Variants in MAP7 observed in about 807,000 individuals in gnomAD.
The protein encoded by MAP7 is ensconsin.
Under a neutral mutation model 94.8 loss-of-function variants are expected in MAP7, and 52 were observed. The observed-to-expected ratio is 0.55, with a 90% CI of 0.44 to 0.69. MAP7 has a LOEUF of 0.69. Ranked by LOEUF, MAP7 falls within the 30% of genes least tolerant of loss-of-function variation. The probability of loss-of-function intolerance (pLI) is 0.00; values close to 1 mark genes in which losing one functional copy is unlikely to be tolerated. For missense variants in MAP7, 940 were observed against 964.6 expected (o/e 0.97, Z 0.34); for synonymous variants, 350 against 357.0 (o/e 0.98, Z 0.22).
At chr6:136,450,070 T>C (rs866367423) in intron 1 of MAP7, among the ~76,000 whole-genome samples, 12 of 152,126 alleles carry the variant, frequency 7.9e-5, no homozygotes, top group Non-Finnish European at 1.3e-4. Context: ...ATGCCTGTAA[T>C]CCCAGCTACT....
At chr6:136,478,877 T>C (rs1811787605) in intron 1 of MAP7, among the ~76,000 whole-genome samples, 1 of 147,544 alleles carries the variant, frequency 6.8e-6, no homozygotes, top group Non-Finnish European at 1.5e-5. Flanking sequence ...AAAGAAGAAC[T>C]AATGCTAATC....
At chr6:136,514,603 A>G (rs973721221) in intron 1 of MAP7, among the ~76,000 whole-genome samples, 39 of 151,080 alleles carry the variant, frequency 2.6e-4, no homozygotes, top group Admixed American at 2.4e-3. Context: ...AAAAAAAAAA[A>G]AAAAGAAAAC....
At chr6:136,501,702 CACAGCATGACA>C (rs1819874273) in intron 1 of MAP7, among the ~76,000 whole-genome samples, 1 of 151,994 alleles carries the variant, frequency 6.6e-6, no homozygotes, top group African/African-American at 2.4e-5. Flanking sequence ...ATGATCAGAC[CACAGCATGACA>C]ACTTTCATCG....
chr6:136,372,869 T>C (rs1391794253), intron 7 of MAP7, among the ~76,000 whole-genome samples: 1 of 152,236 alleles, frequency 6.6e-6, no homozygotes, highest in Non-Finnish European at 1.5e-5. Context: ...GTAAAAAATC[T>C]GGAATATATT....
intron 1 of MAP7, among the ~76,000 whole-genome samples, chr6:136,435,832 A>G (rs1282005443): frequency 6.6e-6 from 1 of 152,248 alleles, no homozygotes; most frequent in East Asian, 1.9e-4. Context: ...ATTTGAAGGT[A>G]CATCATTATA....
chr6:136,376,255 C>T (rs1406573630), intron 7 of MAP7, among the ~76,000 whole-genome samples: 3 of 152,104 alleles, frequency 2.0e-5, no homozygotes, highest in Non-Finnish European at 4.4e-5. Context: ...CCCGCCACCA[C>T]GCCCGGCTAA....
chr6:136,366,280 A>C (rs1413402574), intron 9 of MAP7, 47 bp downstream of exon 9: 6 of 1,434,348 alleles, frequency 4.2e-6, no homozygotes, highest in Non-Finnish European at 5.9e-6. Flanking sequence ...AGAGCTACTA[A>C]TTCTCTAACA....
intron 6 of MAP7, among the ~76,000 whole-genome samples, chr6:136,381,112 A>G (rs1777608374): frequency 6.6e-6 from 1 of 152,260 alleles, no homozygotes; most frequent in African/African-American, 2.4e-5. Flanking sequence ...GAGATAATAA[A>G]GTATAACTAA....
Position 136,383,673 on chromosome 6 carries a change from C to T in MAP7, c.635G>A (p.Arg212Lys). ...TTTTGTTTTCCTTTGGACTGTACCTCTATCTGGAGAATTTAGTAAAGTTGC... is the reference window on the plus strand; with the variant it reads ...TTTTGTTTTCCTTTGGACTGTACCTTTATCTGGAGAATTTAGTAAAGTTGC... ...SSATLLNSPD[R>K]ARRLQLSPWE... The change falls in exon 6 of 18, where the codon AGA becomes AAA. Residue 212 changes from arginine (R) to lysine (K), a missense_variant and splice_region_variant. Arg to Lys is a conservative substitution (Grantham distance 26). Coordinates refer to ENST00000354570, the MANE Select transcript of MAP7 (RefSeq NM_003980.6). The T allele has an allele frequency of 6.4e-7, 1 of 1,572,740 alleles. No individual in the cohort carries two copies. The highest frequency in any genetic ancestry group is 8.7e-7 in the Non-Finnish European group (1 of 1,145,810).
chr6:136,408,901 T>C (rs1786471165), intron 3 of MAP7, among the ~76,000 whole-genome samples: 1 of 152,168 alleles, frequency 6.6e-6, no homozygotes, highest in Non-Finnish European at 1.5e-5. Context: ...CCTCACGTAC[T>C]CTAAGGCACA....
intron 1 of MAP7, among the ~76,000 whole-genome samples, chr6:136,423,944 C>A (rs923663087): frequency 1.3e-5 from 2 of 151,814 alleles, no homozygotes; most frequent in Non-Finnish European, 2.9e-5. Flanking sequence ...TACAGGCATG[C>A]GCCACCACGC....
intron 1 of MAP7, among the ~76,000 whole-genome samples, chr6:136,423,086 G>T (rs180781353): frequency 1.3e-5 from 2 of 152,268 alleles, no homozygotes; most frequent in East Asian, 3.9e-4. Context: ...TCTACCATAA[G>T]ACTTGGCACA....
chr6:136,512,579 A>AT (rs34220272), intron 1 of MAP7, among the ~76,000 whole-genome samples: 1 of 152,188 alleles, frequency 6.6e-6, no homozygotes, highest in African/African-American at 2.4e-5. Flanking sequence ...AGTCACACAC[A>AT]TTTTTTGGTT....
chr6:136,409,205 T>G (rs1439667369), intron 3 of MAP7, among the ~76,000 whole-genome samples: 1 of 152,124 alleles, frequency 6.6e-6, no homozygotes, highest in Non-Finnish European at 1.5e-5. Context: ...ATTATGATAT[T>G]TAACATGGCA....
intron 1 of MAP7, among the ~76,000 whole-genome samples, chr6:136,540,509 T>C (rs1829214992): frequency 6.6e-6 from 1 of 152,210 alleles, no homozygotes; most frequent in African/African-American, 2.4e-5. Context: ...ACACTGAGTA[T>C]ATGTGTGCAT....
chr6:136,527,339 C>A (rs1054065442), intron 1 of MAP7, among the ~76,000 whole-genome samples: 1 of 152,094 alleles, frequency 6.6e-6, no homozygotes, highest in African/African-American at 2.4e-5. Context: ...TAAGAAAAAA[C>A]ATTTTTTTTG....
At chr6:136,463,246 CTA>C (rs1041787651) in intron 1 of MAP7, among the ~76,000 whole-genome samples, 10 of 152,222 alleles carry the variant, frequency 6.6e-5, no homozygotes, top group African/African-American at 1.9e-4. Context: ...TGAATATCTA[CTA>C]TGTTTCAGAA....
chr6:136,348,675 TATTA>T (rs1221993027), intron 16 of MAP7, among the ~76,000 whole-genome samples: 3 of 152,314 alleles, frequency 2.0e-5, no homozygotes, highest in Non-Finnish European at 2.9e-5. Context: ...TCTTGATATT[TATTA>T]ATTATGTTAA....
At chr6:136,523,772 G>T (rs1442578859) in intron 1 of MAP7, among the ~76,000 whole-genome samples, 1 of 152,070 alleles carries the variant, frequency 6.6e-6, no homozygotes, top group Non-Finnish European at 1.5e-5. Context: ...ATGGTAGGGG[G>T]TCAGAAACTC....
Sources: allele counts gnomAD v4.1 joint callset (sites outside exome capture counted in the v4.1 genomes callset), GRCh38; gene constraint gnomAD v4.1.1; transcripts MANE v1.5; gene names NCBI Gene and HGNC (gene_info 2026-07-23, HGNC 2026-07-21).